The following HS6ST3 variants were observed in gnomAD, a reference collection of about 807,000 sequenced individuals.
HS6ST3 encodes the protein heparan sulfate 6-O-sulfotransferase 3.
Under a neutral mutation model 36.7 loss-of-function variants are expected in HS6ST3, and 12 were observed. The observed-to-expected ratio is 0.33, with a 90% CI of 0.21 to 0.53. The LOEUF is 0.53. Among genes scored for constraint, HS6ST3 ranks in the 20% least tolerant of loss-of-function variants. The probability of loss-of-function intolerance (pLI) is 0.95; values close to 1 mark genes in which losing one functional copy is unlikely to be tolerated. For synonymous variants in HS6ST3, 240 were observed against 257.5 expected (o/e 0.93, Z 0.65); for missense variants, 584 against 640.9 (o/e 0.91, Z 0.96).
chr13:96,247,061 AC>A (rs1382958559), intron 1 of HS6ST3, among the ~76,000 whole-genome samples: 2 of 152,130 alleles, frequency 1.3e-5, no homozygotes, highest in Admixed American at 6.5e-5. Context: ...ATTTTATTAC[AC>A]CCTGGGCTGA....
intron 1 of HS6ST3, among the ~76,000 whole-genome samples, chr13:96,206,261 T>A (rs1303674082): frequency 6.6e-6 from 1 of 152,150 alleles, no homozygotes; most frequent in Non-Finnish European, 1.5e-5. Context: ...ACTAGGGAAG[T>A]GAAGAACCTC....
At chr13:96,332,054 C>G (rs566241774) in intron 1 of HS6ST3, among the ~76,000 whole-genome samples, 1 of 152,156 alleles carries the variant, frequency 6.6e-6, no homozygotes, top group Non-Finnish European at 1.5e-5. Flanking sequence ...GCAGGGTGCA[C>G]GCACCCACTG....
intron 1 of HS6ST3, among the ~76,000 whole-genome samples, chr13:96,419,613 A>C (rs369854528): frequency 1.2e-4 from 18 of 152,204 alleles, no homozygotes; most frequent in African/African-American, 4.1e-4. Context: ...CTAAAACAAC[A>C]GTTTATTGTC....
At chr13:96,139,339 G>C (rs140090655) in intron 1 of HS6ST3, among the ~76,000 whole-genome samples, 1 of 151,726 alleles carries the variant, frequency 6.6e-6, no homozygotes, top group Non-Finnish European at 1.5e-5. Flanking sequence ...AATGAAGGTC[G>C]CAAATCAAAG....
intron 1 of HS6ST3, among the ~76,000 whole-genome samples, chr13:96,725,211 ATTG>A (rs903336917): frequency 5.9e-5 from 9 of 152,010 alleles, no homozygotes. Context: ...GTCTATTTTT[ATTG>A]TTTTTCATTT....
chr13:96,393,559 TAA>T (rs2055406720), intron 1 of HS6ST3, among the ~76,000 whole-genome samples: 1 of 152,226 alleles, frequency 6.6e-6, no homozygotes, highest in Admixed American at 6.5e-5. Flanking sequence ...TTGGAGAACA[TAA>T]AAAGTTTACT....
intron 1 of HS6ST3, among the ~76,000 whole-genome samples, chr13:96,330,579 A>T (rs1276632779): frequency 1.3e-5 from 2 of 151,898 alleles, no homozygotes; most frequent in Non-Finnish European, 2.9e-5. Context: ...TTTCCCTTTG[A>T]GGGTAACCCG....
chr13:96,401,693 G>C (rs2055452221), intron 1 of HS6ST3, among the ~76,000 whole-genome samples: 1 of 152,050 alleles, frequency 6.6e-6, no homozygotes, highest in Admixed American at 6.6e-5. Flanking sequence ...TCCTGCCTCA[G>C]CCTCCCAAGT....
chr13:96,261,759 A>G (rs984083725), intron 1 of HS6ST3, among the ~76,000 whole-genome samples: 2 of 152,220 alleles, frequency 1.3e-5, no homozygotes, highest in African/African-American at 2.4e-5. Flanking sequence ...TAGAATGTGT[A>G]GAGGCTGTGG....
chr13:96,287,855 T>C (rs1001675192), intron 1 of HS6ST3, among the ~76,000 whole-genome samples: 2 of 152,208 alleles, frequency 1.3e-5, no homozygotes, highest in African/African-American at 4.8e-5. Context: ...CTAGGCTCTC[T>C]GCTAAATGCT....
At chr13:96,588,196 T>C (rs2056369010) in intron 1 of HS6ST3, among the ~76,000 whole-genome samples, 2 of 152,120 alleles carry the variant, frequency 1.3e-5, no homozygotes, top group African/African-American at 4.8e-5. Flanking sequence ...TTTACCTTTT[T>C]TTTTTTTCCA....
At chr13:96,690,858 C>T (rs1010242470) in intron 1 of HS6ST3, among the ~76,000 whole-genome samples, 1 of 152,004 alleles carries the variant, frequency 6.6e-6, no homozygotes, top group Non-Finnish European at 1.5e-5. Flanking sequence ...CACTGCTCAA[C>T]TATGATTGTT....
chr13:96,171,066 A>C (rs1040755012), intron 1 of HS6ST3, among the ~76,000 whole-genome samples: 1 of 152,252 alleles, frequency 6.6e-6, no homozygotes, highest in Non-Finnish European at 1.5e-5. Flanking sequence ...ATACCTTTTT[A>C]TGAAGAAATG....
chr13:96,457,510 ATTGTATAGGTAC>A (rs1381941542), intron 1 of HS6ST3, among the ~76,000 whole-genome samples: 1 of 152,180 alleles, frequency 6.6e-6, no homozygotes, highest in Non-Finnish European at 1.5e-5. Context: ...CCTGTTGATT[ATTGTATAGGTAC>A]TAGACATTTT....
chr13:96,627,074 T>G (rs2056515651), intron 1 of HS6ST3, among the ~76,000 whole-genome samples: 1 of 152,074 alleles, frequency 6.6e-6, no homozygotes, highest in Admixed American at 6.6e-5. Context: ...TCCAATGTTT[T>G]TAAAAGAAAA....
chr13:96,280,679 G>A (rs776592067), intron 1 of HS6ST3, among the ~76,000 whole-genome samples: 7 of 152,130 alleles, frequency 4.6e-5, no homozygotes, highest in Non-Finnish European at 7.3e-5. Flanking sequence ...ATTTACAGTT[G>A]CAGAGAAATC....
rs1878853708 is a variant in HS6ST3 at position 96,833,398 on chromosome 13, A to G, written c.*200A>G. 4 of 570,620 alleles carry G rather than the reference A, an allele frequency of 7.0e-6. No individual in the cohort carries two copies. The South Asian group carries it at 7.2e-5, about 10-fold the overall frequency. The allele number at this position is 570,620 out of a possible 1,614,324, so 35.3% of individuals were successfully genotyped here. ...TTCTTTTTTTTCTTGACATTTTGCAATTGGTGATATTAAGTAGGGTAGGAG... is the reference window on the plus strand; with the variant it reads ...TTCTTTTTTTTCTTGACATTTTGCAGTTGGTGATATTAAGTAGGGTAGGAG... On this transcript the variant is annotated 3_prime_UTR_variant, in exon 2 of 2. Coordinates refer to ENST00000376705, the MANE Select transcript of HS6ST3 (RefSeq NM_153456.4).
At chr13:96,294,285 G>A (rs1243284234) in intron 1 of HS6ST3, among the ~76,000 whole-genome samples, 1 of 152,042 alleles carries the variant, frequency 6.6e-6, no homozygotes, top group Admixed American at 6.6e-5. Flanking sequence ...TTTCTATATA[G>A]GTATCTTGAA....
intron 1 of HS6ST3, among the ~76,000 whole-genome samples, chr13:96,412,639 G>A (rs563629620): frequency 1.3e-4 from 20 of 152,132 alleles, no homozygotes; most frequent in African/African-American, 2.9e-4. Flanking sequence ...AATTTCCACC[G>A]TAAGAGAATG....
Sources: allele counts gnomAD v4.1 joint callset (sites outside exome capture counted in the v4.1 genomes callset), GRCh38; gene constraint gnomAD v4.1.1; transcripts MANE v1.5; gene names NCBI Gene and HGNC (gene_info 2026-07-23, HGNC 2026-07-21).